The following IL18RAP variants were observed in gnomAD, a reference collection of about 807,000 sequenced individuals.
IL18RAP encodes the protein interleukin-18 receptor accessory protein.
A neutral mutation model predicts 58.1 loss-of-function variants in IL18RAP; 37 were observed. The ratio of observed to expected loss-of-function variants is 0.64; its 90% CI spans 0.49 to 0.84. IL18RAP has a LOEUF of 0.84. Ranked by LOEUF, IL18RAP falls within the 40% of genes least tolerant of loss-of-function variation. The pLI, the probability that IL18RAP is intolerant of heterozygous loss-of-function variation, is 0.00. For synonymous variants in IL18RAP, 268 were observed against 257.5 expected (o/e 1.04, Z -0.39); for missense variants, 667 against 704.8 (o/e 0.95, Z 0.61).
chr2:102,424,398 C>A lies in IL18RAP; in HGVS notation c.563C>A (p.Ala188Glu), dbSNP rs139554960. 4.3e-6 allele frequency: 7 copies of A among 1,613,700 alleles called. No individual in the cohort carries two copies. The East Asian group carries it at 1.3e-4, about 31-fold the overall frequency. Residue 188 changes from alanine to glutamate, a missense_variant, in exon 3 of 10, where the codon GCG becomes GAG. Transcript: ENST00000687160. ...LSCQSDAQSP[A>E]VTWYKNGKLL... is the part of the protein sequence containing the mutation. ...TGCCAAAGTGATGCACAAAGTCCAG[C>A]GGTAACCTGGTACAAGGTAAGAGTG... is the stretch of plus-strand genomic sequence containing the variant.
chr2:102,439,933 T>G (rs979251083), intron 4 of IL18RAP: 2 of 152,132 alleles, frequency 1.3e-5, no homozygotes, highest in Admixed American at 1.3e-4. Flanking sequence ...GAAGTGGGCA[T>G]AGAGACAGAA....
intron 8 of IL18RAP, among the ~76,000 whole-genome samples, 169 bp from the exon 9 acceptor site, chr2:102,450,679 T>C (rs1465659203): frequency 6.6e-6 from 1 of 152,172 alleles, no homozygotes; most frequent in Non-Finnish European, 1.5e-5. Context: ...GAAAAATCAA[T>C]ACCGCTCAGT....
At chr2:102,425,298 T>C (rs1681868904) in intron 3 of IL18RAP, among the ~76,000 whole-genome samples, 1 of 152,194 alleles carries the variant, frequency 6.6e-6, no homozygotes, top group South Asian at 2.1e-4. Context: ...ATGAGTTATC[T>C]AATGGTTTAA....
intron 5 of IL18RAP, among the ~76,000 whole-genome samples, chr2:102,442,443 T>C (rs1442017817): frequency 6.6e-6 from 1 of 151,696 alleles, no homozygotes; most frequent in South Asian, 2.1e-4. Flanking sequence ...GCACTAACTA[T>C]GTGCTCAACG....
rs530268809 is a variant in IL18RAP at position 102,437,172 on chromosome 2, C to T, written c.580-40C>T. On this transcript the variant is annotated intron_variant, in intron 3 of 9. Transcript: ENST00000687160. ...TAGGTATGTATTTCATAAAGTTTTT[C>T]TGTGGCAAATTTATCTGCTTAAAAT... The T allele has an allele frequency of 8.3e-6, 13 of 1,569,970 alleles. No homozygotes were observed. The South Asian group carries it at 1.1e-4, about 13-fold the overall frequency.
rs150477613 is a variant in IL18RAP, at chr2:102,447,291, C to A, written c.1210+84C>A. 79 of 1,456,986 alleles carry A rather than the reference C, an allele frequency of 5.4e-5. No homozygotes were observed. The African/African-American group carries it at 9.4e-4, about 17-fold the overall frequency. 90.3% of individuals were successfully genotyped at this position (1,456,986 alleles called of 1,614,324 possible). Reference sequence around the variant, plus strand: ...GGACAACAGAAAATACCATCACTACCCCTTGGCTTTGTTTCCTCAGAGTTA... The same window carrying A: ...GGACAACAGAAAATACCATCACTACACCTTGGCTTTGTTTCCTCAGAGTTA... On this transcript the variant is annotated intron_variant, in intron 8 of 9. Transcript: ENST00000687160.
chr2:102,451,475 A>G (rs981208436), intron 9 of IL18RAP, among the ~76,000 whole-genome samples: 1 of 152,188 alleles, frequency 6.6e-6, no homozygotes, highest in African/African-American at 2.4e-5. Flanking sequence ...ACCCCCACCA[A>G]GGAGCCTGGG....
intron 8 of IL18RAP, among the ~76,000 whole-genome samples, chr2:102,449,581 G>A (rs1683639349): frequency 6.6e-6 from 1 of 152,058 alleles, no homozygotes; most frequent in Non-Finnish European, 1.5e-5. Flanking sequence ...GCCCTCTGTT[G>A]GCCAACCTAA....
At chr2:102,435,917 G>C (rs976554611) in intron 3 of IL18RAP, among the ~76,000 whole-genome samples, 11 of 151,058 alleles carry the variant, frequency 7.3e-5, no homozygotes, top group Non-Finnish European at 1.0e-4. Context: ...TCACAGTGGC[G>C]GATGTTCCTG....
At chr2:102,418,928 GC>G (rs1290820205), upstream of IL18RAP, 4 of 152,284 alleles carry the variant, frequency 2.6e-5, no homozygotes, top group Non-Finnish European at 5.9e-5. Flanking sequence ...TGTCTTAAGA[GC>G]AGGAAATAAA....
At position 102,437,378 on chromosome 2, in the gene IL18RAP, A is replaced by G. The variant is rs1420714117; in HGVS notation, c.730+16A>G. ...AGAACCATTGGTAAGTGAGATTTTT[A>G]TCTCAAGATTTGAGATCTGAGCAGC... On this transcript the variant is annotated intron_variant, in intron 4 of 9. Coordinates refer to ENST00000687160, the MANE Select transcript of IL18RAP (RefSeq NM_001393487.1). 8 of 1,603,214 alleles carry G rather than the reference A, an allele frequency of 5.0e-6. No homozygotes were observed. Among genetic ancestry groups the G allele is most frequent in the Middle Eastern group, 1.7e-4 (1 of 6,044 alleles).
At chr2:102,446,172 G>A (rs1344649379) in intron 7 of IL18RAP, among the ~76,000 whole-genome samples, 4 of 152,160 alleles carry the variant, frequency 2.6e-5, no homozygotes, top group East Asian at 1.9e-4. Context: ...TTGTGTGGAC[G>A]TTTACGAGGG....
chr2:102,449,127 G>T (rs182141514), intron 8 of IL18RAP, among the ~76,000 whole-genome samples: 6 of 151,946 alleles, frequency 3.9e-5, no homozygotes, highest in African/African-American at 1.5e-4. Flanking sequence ...ATGTAGCCAG[G>T]CTTGGTGGCA....
At chr2:102,450,466 AC>A (rs541562530) in intron 8 of IL18RAP, among the ~76,000 whole-genome samples, 27 of 152,282 alleles carry the variant, frequency 1.8e-4, no homozygotes, top group Admixed American at 9.2e-4. Flanking sequence ...TGTTAGCAGT[AC>A]TTTGCTTACT....
intron 3 of IL18RAP, among the ~76,000 whole-genome samples, chr2:102,429,294 C>A (rs1682178619): frequency 6.6e-6 from 1 of 151,888 alleles, no homozygotes; most frequent in Non-Finnish European, 1.5e-5. Context: ...ATGATCCAAT[C>A]TTGGTAGGTT....
At chr2:102,418,995 G>A (rs7600961), upstream of IL18RAP, 19,912 of 152,086 alleles carry the variant, frequency 0.13, 1,462 homozygotes, top group African/African-American at 0.18. Context: ...GAAAACATAA[G>A]TTGGGAGAAT....
In IL18RAP at chr2:102,437,207, ATTAGAATG is replaced by A. The variant is rs1558641059; in HGVS notation, c.580-4_583del. 6.2e-7 allele frequency: 1 copy of A among 1,604,036 alleles called. No individual in the cohort carries two copies. The highest frequency in any genetic ancestry group is 8.5e-7 in the Non-Finnish European group (1 of 1,176,700). On this transcript the variant is annotated splice_acceptor_variant and splice_polypyrimidine_tract_variant and coding_sequence_variant and intron_variant, in exon 4 of 10. Coordinates refer to ENST00000687160, the MANE Select transcript of IL18RAP (RefSeq NM_001393487.1). LOFTEE classifies it high-confidence loss of function. ...TTTATCTGCTTAAAATATCTTTTGG[ATTAGAATG>A]GAAAACTCCTCTCTGTGGAAAGGAG...
upstream of IL18RAP, among the ~76,000 whole-genome samples, chr2:102,422,302 T>C (rs1287781026): frequency 6.6e-6 from 1 of 152,248 alleles, no homozygotes; most frequent in Admixed American, 6.5e-5. Context: ...CTCTCTGCTC[T>C]GCTCCTTGCA....
At chr2:102,443,928 G>A (rs937016247) in intron 6 of IL18RAP, among the ~76,000 whole-genome samples, 6 of 152,142 alleles carry the variant, frequency 3.9e-5, no homozygotes, top group Non-Finnish European at 8.8e-5. Flanking sequence ...ATTTACTGGT[G>A]AGATATTTTG....
Sources: gnomAD v4.1 joint callset for allele counts (sites outside exome capture counted in the v4.1 genomes callset) on GRCh38, gnomAD v4.1.1 for gene constraint, MANE v1.5 for transcripts, NCBI Gene and HGNC (gene_info 2026-07-23, HGNC 2026-07-21) for gene names.